HYCC1: variants seen among roughly 807,000 people sequenced by gnomAD.
HYCC1 encodes hyccin PI4KA lipid kinase complex subunit 1, also known as hyccin.
the HYCC1 span, among the ~76,000 whole-genome samples, chr7:23,008,122 G>A: frequency 1.1e-4 from 17 of 151,978 alleles, no homozygotes; most frequent in South Asian, 2.1e-4. Context: ...AATCATTCAC[G>A]CGCTTTACAC....
the HYCC1 span, among the ~76,000 whole-genome samples, chr7:22,980,006 T>G: frequency 2.0e-4 from 31 of 152,208 alleles, no homozygotes; most frequent in East Asian, 5.2e-3. Context: ...GAGGGTAAAA[T>G]ATCATTATCC....
the HYCC1 span, among the ~76,000 whole-genome samples, chr7:23,005,910 C>T: frequency 6.6e-6 from 1 of 152,184 alleles, no homozygotes. Flanking sequence ...TCTCCATTTC[C>T]CTATCAGGAC....
chr7:22,910,193 G>A, the HYCC1 span, among the ~76,000 whole-genome samples: 22 of 152,272 alleles, frequency 1.4e-4, no homozygotes, highest in Admixed American at 7.8e-4. Flanking sequence ...TGGAGGTGGC[G>A]CATAGTGGGA....
At chr7:22,986,741 G>A in the HYCC1 span, among the ~76,000 whole-genome samples, 4 of 152,108 alleles carry the variant, frequency 2.6e-5, no homozygotes, top group African/African-American at 9.7e-5. Flanking sequence ...CCAGCTACTC[G>A]GGAGGCTGAG....
At chr7:22,944,325 T>C in the HYCC1 span, 2 of 152,158 alleles carry the variant, frequency 1.3e-5, no homozygotes, top group African/African-American at 4.8e-5. Flanking sequence ...CTAGCAAACA[T>C]CAAACTTTTA....
chr7:22,913,845 C>T, the HYCC1 span, among the ~76,000 whole-genome samples: 12 of 152,180 alleles, frequency 7.9e-5, no homozygotes, highest in African/African-American at 2.2e-4. Context: ...TGCCAAAGAC[C>T]CAGGACAGGA....
chr7:22,964,398 T>C, the HYCC1 span: 1 of 1,310,254 alleles, frequency 7.6e-7, no homozygotes, highest in South Asian at 1.2e-5. Flanking sequence ...TTATTTCGCA[T>C]ATGATGAGAT....
At chr7:23,009,956 A>G in the HYCC1 span, among the ~76,000 whole-genome samples, 1 of 152,176 alleles carries the variant, frequency 6.6e-6, no homozygotes, top group Admixed American at 6.5e-5. Context: ...GCTCTCAACA[A>G]TAAGCAATAG....
At chr7:22,935,516 C>A in the HYCC1 span, 5 of 152,218 alleles carry the variant, frequency 3.3e-5, no homozygotes, top group Non-Finnish European at 7.3e-5. Flanking sequence ...ACTTGGCAGG[C>A]ACTGGCATTC....
the HYCC1 span, among the ~76,000 whole-genome samples, chr7:22,918,931 G>C: frequency 6.6e-6 from 1 of 152,126 alleles, no homozygotes; most frequent in Non-Finnish European, 1.5e-5. Context: ...ATGTGACAAG[G>C]AGACAACAGA....
chr7:23,002,886 GCT>G, the HYCC1 span, among the ~76,000 whole-genome samples: 1 of 152,100 alleles, frequency 6.6e-6, no homozygotes, highest in Admixed American at 6.5e-5. Context: ...CCTTTTTAGA[GCT>G]CTGAGAGAAT....
chr7:22,951,019 C>T, the HYCC1 span, among the ~76,000 whole-genome samples: 3 of 151,782 alleles, frequency 2.0e-5, no homozygotes, highest in East Asian at 1.9e-4. Context: ...GTAAACTCTC[C>T]ACATGTAGAA....
chr7:22,967,309 T>A, the HYCC1 span, among the ~76,000 whole-genome samples: 1 of 152,172 alleles, frequency 6.6e-6, no homozygotes, highest in African/African-American at 2.4e-5. Flanking sequence ...GAAAAGAGAT[T>A]CCTTTGAATT....
At chr7:22,949,391 C>G in the HYCC1 span, among the ~76,000 whole-genome samples, 5 of 152,062 alleles carry the variant, frequency 3.3e-5, no homozygotes, top group Admixed American at 3.3e-4. Flanking sequence ...ACTATAAATA[C>G]TAACTCTAAC....
chr7:22,946,916 C>T, the HYCC1 span: 1 of 1,517,674 alleles, frequency 6.6e-7, no homozygotes, highest in East Asian at 2.5e-5. Flanking sequence ...GCAACTGCTG[C>T]TTAACATGCA....
the HYCC1 span, among the ~76,000 whole-genome samples, chr7:22,986,946 G>C: frequency 0.016 from 2,382 of 152,230 alleles, 65 homozygotes; most frequent in African/African-American, 0.054. Flanking sequence ...AGGTGATAGG[G>C]GTTGAGTAGC....
chr7:22,996,476 T>C, the HYCC1 span, among the ~76,000 whole-genome samples: 76 of 151,626 alleles, frequency 5.0e-4, no homozygotes, highest in East Asian at 0.011. Context: ...TACTGTGTGA[T>C]GGTGAGGTTT....
the HYCC1 span, among the ~76,000 whole-genome samples, chr7:22,989,631 TA>T: frequency 6.6e-6 from 1 of 152,112 alleles, no homozygotes; most frequent in Non-Finnish European, 1.5e-5. Context: ...GTGCTGGGAT[TA>T]CAGGCATAAG....
At chr7:22,906,161 C>G in the HYCC1 span, among the ~76,000 whole-genome samples, 1 of 152,048 alleles carries the variant, frequency 6.6e-6, no homozygotes, top group Admixed American at 6.6e-5. Flanking sequence ...CTTGCTAACT[C>G]AGATCAATTA....
Sources: allele counts gnomAD v4.1 joint callset (sites outside exome capture counted in the v4.1 genomes callset), GRCh38; gene constraint gnomAD v4.1.1; transcripts MANE v1.5; gene names NCBI Gene and HGNC (gene_info 2026-07-23, HGNC 2026-07-21).